The following ASIC2 variants were observed in gnomAD, a reference collection of about 807,000 sequenced individuals.
ASIC2 encodes the protein acid sensing ion channel subunit 2, also known as acid-sensing ion channel 2.
A neutral mutation model predicts 57.3 loss-of-function variants in ASIC2; 25 were observed. The observed-to-expected ratio is 0.44, with a 90% CI of 0.32 to 0.61. The LOEUF (loss-of-function observed/expected upper bound fraction) is 0.61, where lower values mean the gene tolerates loss of function less well. Ranked by LOEUF, ASIC2 falls within the 20% of genes least tolerant of loss-of-function variation. The pLI, the probability that ASIC2 is intolerant of heterozygous loss-of-function variation, is 0.06. For missense variants in ASIC2, 641 were observed against 738.1 expected (o/e 0.87, Z 1.52); for synonymous variants, 319 against 307.5 (o/e 1.04, Z -0.39).
At chr17:33,662,744 C>CCCTT (rs1162461711) in intron 1 of ASIC2, among the ~76,000 whole-genome samples, 109 of 134,950 alleles carry the variant, frequency 8.1e-4, no homozygotes, top group Middle Eastern at 3.7e-3. Context: ...CTCCTTCCCT[C>CCCTT]CCTTCCTTCC....
chr17:33,483,128 C>T (rs141589711), intron 1 of ASIC2, among the ~76,000 whole-genome samples: 38 of 148,958 alleles, frequency 2.6e-4, no homozygotes, highest in South Asian at 1.7e-3. Context: ...TGCATCCCCA[C>T]GCCACACAGA....
At chr17:34,128,256 G>T (rs143068611) in intron 1 of ASIC2, among the ~76,000 whole-genome samples, 2 of 152,184 alleles carry the variant, frequency 1.3e-5, no homozygotes, top group Non-Finnish European at 2.9e-5. Context: ...AAAGTGGCCC[G>T]TGGGATTCCA....
chr17:33,941,182 C>A (rs144439726), intron 1 of ASIC2, among the ~76,000 whole-genome samples: 1 of 152,164 alleles, frequency 6.6e-6, no homozygotes, highest in Non-Finnish European at 1.5e-5. Flanking sequence ...AGGGGCCAGA[C>A]GAGCCTCCAG....
intron 1 of ASIC2, among the ~76,000 whole-genome samples, chr17:33,896,236 G>A (rs944016299): frequency 6.6e-6 from 1 of 152,232 alleles, no homozygotes; most frequent in Admixed American, 6.5e-5. Flanking sequence ...GGCCAAGGAT[G>A]TGTCTTTTCT....
chr17:34,095,637 A>ATATATATATATATATATATAATTT lies in ASIC2; in HGVS notation c.555+60340_555+60341insAAATTATATATATATATATATATA, dbSNP rs1910502002. On this transcript the variant is annotated intron_variant, in intron 1 of 9. Transcript: ENST00000359872. ...TATATATATATATATATAATTTTAT[A>ATATATATATATATATATATAATTT]TATATATATATATATATAATTTTAT... Among the ~76,000 whole-genome samples the ATATATATATATATATATATAATTT allele has an allele frequency of 4.7e-5, 6 of 126,686 alleles. No homozygotes were observed. The South Asian group carries it at 6.7e-4, about 14-fold the overall frequency. 83.1% of individuals were successfully genotyped at this position (126,686 alleles called of 152,430 possible).
intron 3 of ASIC2, among the ~76,000 whole-genome samples, chr17:33,042,167 A>G (rs982302090): frequency 2.6e-5 from 4 of 152,206 alleles, no homozygotes; most frequent in African/African-American, 9.7e-5. Flanking sequence ...AATCAAATCC[A>G]CCAATCAGCA....
At chr17:33,672,829 T>C (rs961333188) in intron 1 of ASIC2, among the ~76,000 whole-genome samples, 6 of 152,184 alleles carry the variant, frequency 3.9e-5, no homozygotes, top group African/African-American at 7.2e-5. Flanking sequence ...CAGAAATGAC[T>C]GGAACATACG....
At chr17:33,023,107 C>T (rs1362657826) in intron 6 of ASIC2, among the ~76,000 whole-genome samples, 1 of 151,896 alleles carries the variant, frequency 6.6e-6, no homozygotes, top group East Asian at 1.9e-4. Flanking sequence ...TAAGGAGGAA[C>T]CAGTTAGGTG....
At chr17:33,723,730 G>A (rs1472079414) in intron 1 of ASIC2, among the ~76,000 whole-genome samples, 1 of 152,184 alleles carries the variant, frequency 6.6e-6, no homozygotes, top group African/African-American at 2.4e-5. Flanking sequence ...CATTATCTGG[G>A]AAGGGACATA....
At chr17:33,721,092 G>A (rs1434743869) in intron 1 of ASIC2, among the ~76,000 whole-genome samples, 1 of 152,106 alleles carries the variant, frequency 6.6e-6, no homozygotes, top group African/African-American at 2.4e-5. Flanking sequence ...ATAGTTAAAG[G>A]CATTATTCAG....
intron 1 of ASIC2, among the ~76,000 whole-genome samples, chr17:33,491,532 C>T (rs1019916577): frequency 5.3e-5 from 8 of 152,120 alleles, no homozygotes; most frequent in South Asian, 2.1e-4. Flanking sequence ...GGATTTTTGC[C>T]GAACACTGCA....
intron 4 of ASIC2, 92 bp downstream of exon 4, chr17:33,028,150 A>G: frequency 4.0e-6 from 6 of 1,488,548 alleles, no homozygotes; most frequent in Middle Eastern, 2.4e-4. Flanking sequence ...ATCCCAGCGA[A>G]GTGGGTGAAG....
chr17:33,216,958 T>A (rs1053857284), intron 1 of ASIC2, among the ~76,000 whole-genome samples: 2 of 151,620 alleles, frequency 1.3e-5, no homozygotes, highest in African/African-American at 4.8e-5. Flanking sequence ...GGAGGGAGAT[T>A]TAGGTGGTAA....
intron 1 of ASIC2, among the ~76,000 whole-genome samples, chr17:33,472,244 T>C (rs1473029236): frequency 1.3e-5 from 2 of 152,104 alleles, no homozygotes; most frequent in African/African-American, 2.4e-5. Flanking sequence ...GGTCTCGAAC[T>C]CCTGACCCCA....
intron 1 of ASIC2, among the ~76,000 whole-genome samples, chr17:34,114,264 C>T (rs755011751): frequency 6.6e-6 from 1 of 152,172 alleles, no homozygotes; most frequent in Non-Finnish European, 1.5e-5. Flanking sequence ...TAAATGGTTG[C>T]ACTTTAAGCC....
chr17:33,732,416 C>A (rs1348442745), intron 1 of ASIC2, among the ~76,000 whole-genome samples: 1 of 151,854 alleles, frequency 6.6e-6, no homozygotes, highest in Middle Eastern at 3.4e-3. Flanking sequence ...GGAGATGCTT[C>A]TCTTTATGTA....
At chr17:33,758,362 T>C (rs186617874) in intron 1 of ASIC2, among the ~76,000 whole-genome samples, 1 of 152,354 alleles carries the variant, frequency 6.6e-6, no homozygotes, top group Admixed American at 6.5e-5. Context: ...AAATTATTTA[T>C]TGTATACAGT....
chr17:33,666,910 G>GT (rs1196765979), intron 1 of ASIC2, among the ~76,000 whole-genome samples: 1 of 152,142 alleles, frequency 6.6e-6, no homozygotes, highest in Non-Finnish European at 1.5e-5. Context: ...AATAATGATT[G>GT]TTTAGTATAA....
intron 3 of ASIC2, among the ~76,000 whole-genome samples, chr17:33,064,897 T>C (rs2092036709): frequency 6.6e-6 from 1 of 152,202 alleles, no homozygotes; most frequent in Non-Finnish European, 1.5e-5. Context: ...GTCATGCACA[T>C]GCAGAGCTTC....
Sources: allele counts gnomAD v4.1 joint callset (sites outside exome capture counted in the v4.1 genomes callset), GRCh38; gene constraint gnomAD v4.1.1; transcripts MANE v1.5; gene names NCBI Gene and HGNC (gene_info 2026-07-23, HGNC 2026-07-21).